Variants in PHEX observed in about 807,000 individuals in gnomAD.
PHEX encodes the protein phosphate-regulating neutral endopeptidase PHEX.
Under a neutral mutation model 68.0 loss-of-function variants are expected in PHEX, and 16 were observed. The observed-to-expected ratio is 0.24, with a 90% CI of 0.16 to 0.36. The LOEUF is 0.36. PHEX is among the 10% of genes least tolerant of loss of function. The probability of loss-of-function intolerance (pLI) is 1.00; values close to 1 mark genes in which losing one functional copy is unlikely to be tolerated. For missense variants in PHEX, 480 were observed against 575.5 expected, an observed-to-expected ratio of 0.83 and a Z score of 1.70; for synonymous variants, 208 against 205.1, an observed-to-expected ratio of 1.01 and a Z score of -0.12.
chrX:22,114,598 TC>T lies in PHEX; in HGVS notation c.1302+16del. On this transcript the variant is annotated intron_variant, in intron 11 of 21. Coordinates refer to ENST00000379374, the MANE Select transcript of PHEX (RefSeq NM_000444.6). ...ATAAGAAGGAAATGGTAAGTGGTAC[TC>T]CCCAGCTAGCAAAAAATAATGGCAA... 1.7e-6 allele frequency: 2 copies of T among 1,198,466 alleles called. No individual in the cohort carries two copies. The highest frequency in any genetic ancestry group is 2.3e-6 in the Non-Finnish European group (2 of 883,767).
At chrX:22,078,971 A>T (rs1929274619) in intron 5 of PHEX, among the ~76,000 whole-genome samples, 1 of 112,197 alleles carries the variant, frequency 8.9e-6, no homozygotes, top group African/African-American at 3.2e-5. Context: ...GTGCTATGTA[A>T]GACACAATGA....
At chrX:22,244,790 A>G (rs1341850876) in intron 20 of PHEX, among the ~76,000 whole-genome samples, 3 of 111,612 alleles carry the variant, frequency 2.7e-5, no homozygotes, top group Non-Finnish European at 5.6e-5. Context: ...GAAGTAACAT[A>G]TATTACTTCT....
At chrX:22,184,910 T>G (rs1363379892) in intron 14 of PHEX, among the ~76,000 whole-genome samples, 3 of 112,480 alleles carry the variant, frequency 2.7e-5, no homozygotes, top group African/African-American at 9.7e-5. Context: ...AGTGATATAA[T>G]CTGCAGGATA....
intron 11 of PHEX, among the ~76,000 whole-genome samples, chrX:22,131,283 T>C (rs184966246): frequency 0.011 from 1,234 of 111,469 alleles, 18 homozygotes; most frequent in East Asian, 0.085. Context: ...TCAAGTAATC[T>C]GCCCGCCTCA....
intron 20 of PHEX, among the ~76,000 whole-genome samples, chrX:22,231,435 G>A (rs1450503725): frequency 8.9e-6 from 1 of 111,741 alleles, no homozygotes; most frequent in Non-Finnish European, 1.9e-5. Flanking sequence ...ATCAATTGCT[G>A]CCTCAATTTC....
intron 15 of PHEX, among the ~76,000 whole-genome samples, chrX:22,196,949 G>A (rs1296229471): frequency 8.9e-6 from 1 of 112,035 alleles, no homozygotes; most frequent in East Asian, 2.8e-4. Context: ...TTCAAACTGG[G>A]AGAATTTCTC....
intron 5 of PHEX, among the ~76,000 whole-genome samples, chrX:22,080,081 G>A (rs1037658174): frequency 9.0e-6 from 1 of 111,607 alleles, no homozygotes; most frequent in African/African-American, 3.3e-5. Flanking sequence ...CACCAGTGAT[G>A]TTGTCGTGCC....
At chrX:22,117,877 A>G (rs1051028311) in intron 11 of PHEX, among the ~76,000 whole-genome samples, 25 of 110,476 alleles carry the variant, frequency 2.3e-4, no homozygotes, top group African/African-American at 8.0e-4. Flanking sequence ...TTATAAGAGA[A>G]ATATCTGGCC....
chrX:22,139,994 A>G (rs1402109482), intron 12 of PHEX, among the ~76,000 whole-genome samples: 1 of 111,145 alleles, frequency 9.0e-6, no homozygotes, highest in Non-Finnish European at 1.9e-5. Context: ...AGGGCTTGTT[A>G]AAACACCAAT....
chrX:22,164,392 T>C (rs773816455), intron 12 of PHEX, among the ~76,000 whole-genome samples: 1 of 112,029 alleles, frequency 8.9e-6, no homozygotes, highest in African/African-American at 3.2e-5. Context: ...GTATGTATCT[T>C]TGGGAGGTAA....
chrX:22,067,960 G>C (rs146961335), intron 3 of PHEX, among the ~76,000 whole-genome samples: 5,273 of 109,373 alleles, frequency 0.048, 138 homozygotes, highest in Middle Eastern at 0.075. Flanking sequence ...AGCCTCCCGA[G>C]TAGCTAGGAT....
chrX:22,056,670 G>A (rs989459811), intron 3 of PHEX, among the ~76,000 whole-genome samples: 5 of 108,716 alleles, frequency 4.6e-5, no homozygotes, highest in East Asian at 2.9e-4. Context: ...GCGTGGTGGC[G>A]GGAGCCTGTA....
chrX:22,232,159 C>T (rs1484094779), intron 20 of PHEX, among the ~76,000 whole-genome samples: 2 of 111,410 alleles, frequency 1.8e-5, no homozygotes, highest in Non-Finnish European at 3.8e-5. Context: ...TTCTTTCTTT[C>T]TTTTGCATTT....
At chrX:22,219,838 C>T (rs1377212712) in intron 17 of PHEX, among the ~76,000 whole-genome samples, 1 of 111,305 alleles carries the variant, frequency 9.0e-6, no homozygotes, top group Non-Finnish European at 1.9e-5. Context: ...AGGATGGTCT[C>T]GATCTCCTGA....
intron 7 of PHEX, among the ~76,000 whole-genome samples, chrX:22,096,283 T>C (rs1930131668): frequency 8.9e-6 from 1 of 112,409 alleles, no homozygotes; most frequent in African/African-American, 3.2e-5. Flanking sequence ...AGGTTAAACA[T>C]AGTGGAGGCT....
At chrX:22,106,742 C>T (rs1930710215) in intron 9 of PHEX, among the ~76,000 whole-genome samples, 1 of 101,712 alleles carries the variant, frequency 9.8e-6, no homozygotes, top group African/African-American at 3.8e-5. Flanking sequence ...CCATTACACT[C>T]CAGCCTGGGT....
At chrX:22,104,187 C>CT (rs1930561520) in intron 9 of PHEX, among the ~76,000 whole-genome samples, 1 of 111,887 alleles carries the variant, frequency 8.9e-6, no homozygotes, top group Non-Finnish European at 1.9e-5. Flanking sequence ...TCAATTGCTG[C>CT]TTCTCCCTTC....
At chrX:22,175,276 T>C (rs1933660505) in intron 13 of PHEX, among the ~76,000 whole-genome samples, 1 of 111,939 alleles carries the variant, frequency 8.9e-6, no homozygotes, top group South Asian at 3.7e-4. Context: ...CCCCCAATTA[T>C]TTTCAGGGTT....
intron 20 of PHEX, among the ~76,000 whole-genome samples, chrX:22,236,082 G>A (rs1569438642): frequency 9.0e-6 from 1 of 111,320 alleles, no homozygotes; most frequent in Non-Finnish European, 1.9e-5. Flanking sequence ...ACCCTACAAT[G>A]TCATGCCCAT....
Sources: gnomAD v4.1 joint callset for allele counts (sites outside exome capture counted in the v4.1 genomes callset) on GRCh38, gnomAD v4.1.1 for gene constraint, MANE v1.5 for transcripts, NCBI Gene and HGNC (gene_info 2026-07-23, HGNC 2026-07-21) for gene names.